The following DCDC1 variants were observed in gnomAD, a reference collection of about 807,000 sequenced individuals.
DCDC1 encodes doublecortin domain containing 1.
A neutral mutation model predicts 178.3 loss-of-function variants in DCDC1; 200 were observed. The ratio of observed to expected loss-of-function variants is 1.12; its 90% CI spans 1.00 to 1.26. The LOEUF (loss-of-function observed/expected upper bound fraction) is 1.26. DCDC1 is among the 50% of genes most tolerant of loss of function. The pLI, the probability that DCDC1 is intolerant of heterozygous loss-of-function variation, is 0.00. For missense variants in DCDC1, 1,983 were observed against 1,749.2 expected (o/e 1.13, Z -2.38); for synonymous variants, 690 against 604.8 (o/e 1.14, Z -2.07).
intron 9 of DCDC1, among the ~76,000 whole-genome samples, chr11:31,230,360 G>GA (rs747944195): frequency 7.4e-5 from 11 of 148,018 alleles, no homozygotes; most frequent in Non-Finnish European, 1.6e-4. Flanking sequence ...GGGCCAAAAA[G>GA]AAAAAAATAG....
chr11:30,995,173 T>A (rs1951193230), intron 20 of DCDC1, among the ~76,000 whole-genome samples: 1 of 152,094 alleles, frequency 6.6e-6, no homozygotes, highest in African/African-American at 2.4e-5. Flanking sequence ...CACAAAATAT[T>A]AAGATAAAGC....
intron 21 of DCDC1, among the ~76,000 whole-genome samples, chr11:30,934,652 A>AT (rs1374705801): frequency 6.6e-5 from 10 of 152,108 alleles, no homozygotes; most frequent in African/African-American, 2.4e-4. Flanking sequence ...TATAGGTCTC[A>AT]TTTCCCCAAG....
At chr11:31,213,323 A>C (rs1361574237) in intron 9 of DCDC1, among the ~76,000 whole-genome samples, 1 of 151,712 alleles carries the variant, frequency 6.6e-6, no homozygotes, top group Non-Finnish European at 1.5e-5. Context: ...GTAAGTAGAG[A>C]CTGGATTTTA....
intron 7 of DCDC1, among the ~76,000 whole-genome samples, chr11:31,279,604 G>A (rs898418246): frequency 3.9e-5 from 6 of 152,090 alleles, no homozygotes; most frequent in Non-Finnish European, 8.8e-5. Flanking sequence ...GGACATGGAT[G>A]AAACCATCAT....
At chr11:31,105,430 AC>A (rs1958781632) in intron 13 of DCDC1, among the ~76,000 whole-genome samples, 2 of 151,958 alleles carry the variant, frequency 1.3e-5, no homozygotes, top group African/African-American at 4.8e-5. Context: ...CATTACTTTC[AC>A]TTTGACAATA....
At chr11:31,104,626 TG>T (rs1426005503) in intron 13 of DCDC1, among the ~76,000 whole-genome samples, 2 of 152,150 alleles carry the variant, frequency 1.3e-5, no homozygotes, top group Admixed American at 6.5e-5. Flanking sequence ...TTGGTTAGCT[TG>T]AATATAGAGT....
intron 9 of DCDC1, among the ~76,000 whole-genome samples, chr11:31,233,914 T>A (rs1228956110): frequency 6.6e-6 from 1 of 152,186 alleles, no homozygotes; most frequent in Non-Finnish European, 1.5e-5. Context: ...ATGTGGCTAG[T>A]GAGACTGAGG....
intron 9 of DCDC1, among the ~76,000 whole-genome samples, chr11:31,203,673 C>T (rs984911615): frequency 6.6e-6 from 1 of 152,060 alleles, no homozygotes; most frequent in Non-Finnish European, 1.5e-5. Context: ...AAGATACCTG[C>T]CCCAACAGTT....
chr11:30,917,569 G>A (rs989917183), intron 25 of DCDC1, among the ~76,000 whole-genome samples: 1 of 152,184 alleles, frequency 6.6e-6, no homozygotes, highest in African/African-American at 2.4e-5. Context: ...ATACTAAACA[G>A]AGTAAATAGT....
At chr11:31,009,438 T>TTGTGTGTGTGTGTGTGTGTGTG (rs139389381) in intron 20 of DCDC1, among the ~76,000 whole-genome samples, 1 of 144,424 alleles carries the variant, frequency 6.9e-6, no homozygotes, top group African/African-American at 2.6e-5. Flanking sequence ...CACAGTTTCT[T>TTGTGTGTGTGTGTGTGTGTGTG]TGTGTGTGTG....
intron 20 of DCDC1, among the ~76,000 whole-genome samples, chr11:31,046,827 G>A (rs1954873725): frequency 6.6e-6 from 1 of 151,974 alleles, no homozygotes; most frequent in Admixed American, 6.6e-5. Flanking sequence ...TTCTCAAACT[G>A]GCAGAACTGG....
At chr11:31,011,258 AAG>A (rs1952150927) in intron 20 of DCDC1, among the ~76,000 whole-genome samples, 3 of 152,204 alleles carry the variant, frequency 2.0e-5, no homozygotes, top group Non-Finnish European at 4.4e-5. Context: ...GCAAACTTCA[AAG>A]TATTTAAAAG....
At chr11:30,970,303 T>C (rs77762988) in intron 20 of DCDC1, among the ~76,000 whole-genome samples, 2,849 of 152,224 alleles carry the variant, frequency 0.019, 96 homozygotes, top group African/African-American at 0.066. Flanking sequence ...AGCTACAGCA[T>C]GGCACCATTT....
intron 9 of DCDC1, among the ~76,000 whole-genome samples, chr11:31,142,297 T>A (rs978006323): frequency 5.3e-5 from 8 of 152,258 alleles, no homozygotes; most frequent in Non-Finnish European, 1.5e-5. Context: ...ATAGGACTGA[T>A]ATTTTTGGTT....
chr11:31,037,798 T>C (rs957924972), intron 20 of DCDC1, among the ~76,000 whole-genome samples: 1 of 152,120 alleles, frequency 6.6e-6, no homozygotes, highest in South Asian at 2.1e-4. Flanking sequence ...TTATCTTTAA[T>C]TCTAACTTTC....
At chr11:31,329,109 C>A (rs1359722662) in intron 2 of DCDC1, among the ~76,000 whole-genome samples, 3 of 151,912 alleles carry the variant, frequency 2.0e-5, no homozygotes, top group African/African-American at 7.3e-5. Context: ...CCTATTCTCC[C>A]ACATACAGAG....
intron 8 of DCDC1, among the ~76,000 whole-genome samples, chr11:31,244,013 A>T (rs2136919410): frequency 6.6e-6 from 1 of 151,872 alleles, no homozygotes; most frequent in Non-Finnish European, 1.5e-5. Context: ...GAAAAGGAAG[A>T]CAAAGCACAC....
At chr11:31,313,487 G>A (rs1030159181) in intron 3 of DCDC1, among the ~76,000 whole-genome samples, 1 of 152,106 alleles carries the variant, frequency 6.6e-6, no homozygotes, top group African/African-American at 2.4e-5. Context: ...TTCCTTGCTC[G>A]AGCTTGAGGT....
intron 20 of DCDC1, among the ~76,000 whole-genome samples, chr11:30,969,986 C>G (rs749469571): frequency 6.6e-6 from 1 of 152,106 alleles, no homozygotes; most frequent in African/African-American, 2.4e-5. Flanking sequence ...AATAGATCAT[C>G]TAAGACAGAA....
Sources: gnomAD v4.1 joint callset for allele counts (sites outside exome capture counted in the v4.1 genomes callset) on GRCh38, gnomAD v4.1.1 for gene constraint, MANE v1.5 for transcripts, NCBI Gene and HGNC (gene_info 2026-07-23, HGNC 2026-07-21) for gene names.